The following GUCY2C variants were observed in gnomAD, a reference collection of about 807,000 sequenced individuals.
GUCY2C encodes guanylyl cyclase C.
Under a neutral mutation model 131.1 loss-of-function variants are expected in GUCY2C, and 118 were observed. The observed-to-expected ratio is 0.90, with a 90% CI of 0.78 to 1.05. GUCY2C has a LOEUF of 1.05. Among genes scored for constraint, GUCY2C ranks in the 50% least tolerant of loss-of-function variants. The pLI, the probability that GUCY2C is intolerant of heterozygous loss-of-function variation, is 0.00. For missense variants in GUCY2C, 1,161 were observed against 1,304.4 expected (o/e 0.89, Z 1.69); for synonymous variants, 452 against 457.8 (o/e 0.99, Z 0.16).
intron 18 of GUCY2C, 142 bp downstream of exon 18, chr12:14,640,940 A>G (rs572297072): frequency 7.1e-6 from 5 of 702,862 alleles, no homozygotes; most frequent in Non-Finnish European, 1.2e-5. Context: ...TATTCTTATA[A>G]AATGCATAAT....
chr12:14,673,062 C>G, intron 8 of GUCY2C, 104 bp from the exon 9 acceptor site: 1 of 690,072 alleles, frequency 1.4e-6, no homozygotes. Context: ...AGCTCTGTTT[C>G]AAATTTACTG....
Position 14,622,018 on chromosome 12 carries a change from T to A in GUCY2C, c.2588A>T (p.His863Leu). 1 of 1,602,768 alleles carries A rather than the reference T, an allele frequency of 6.2e-7. No homozygotes were observed. Among genetic ancestry groups the A allele is most frequent in the Non-Finnish European group, 8.5e-7 (1 of 1,175,312 alleles). ...YKSFDHIVDH[H>L]DVYKVETIGD... ...TGATGTGGTTACCTTGTAGACATCATGATGATCAACAATGTGGTCAAAACT... is the reference window on the plus strand; with the variant it reads ...TGATGTGGTTACCTTGTAGACATCAAGATGATCAACAATGTGGTCAAAACT... Residue 863 changes from histidine to leucine, a missense_variant, in exon 22 of 27, where the codon CAT (histidine) becomes CTT (leucine). Coordinates refer to ENST00000261170, the MANE Select transcript of GUCY2C (RefSeq NM_004963.4).
chr12:14,662,481 C>T lies in GUCY2C; in HGVS notation c.1283-1419G>A, dbSNP rs530373014. On this transcript the variant is annotated intron_variant, in intron 10 of 26. Transcript: ENST00000261170. ...CCTGAGGTCAGGAGATCAAGACCAGCCTAGCCAACATGGCAAAACCCCATC... is the reference window on the plus strand; with the variant it reads ...CCTGAGGTCAGGAGATCAAGACCAGTCTAGCCAACATGGCAAAACCCCATC... 4.6e-5 allele frequency among the ~76,000 whole-genome samples: 7 copies of T among 152,022 alleles called. No individual in the cohort carries two copies. In the South Asian group the frequency reaches 1.5e-3, roughly 32 times the overall value.
At position 14,621,022 on chromosome 12, in the gene GUCY2C, T is replaced by C. The variant is rs751912369; in HGVS notation, c.2776+20A>G. On this transcript the variant is annotated intron_variant, in intron 23 of 26. Transcript: ENST00000261170. ...GCAGTACATATGGTTCCCAATTTGC[T>C]AAGATGCTCAACTCCATACCAGAGT... The C allele has an allele frequency of 5.6e-6, 9 of 1,606,996 alleles. No homozygotes were observed. Among genetic ancestry groups the C allele is most frequent in the Non-Finnish European group, 7.7e-6 (9 of 1,174,292 alleles).
intron 1 of GUCY2C, among the ~76,000 whole-genome samples, chr12:14,693,513 C>T (rs529551012): frequency 1.8e-4 from 27 of 152,276 alleles, no homozygotes; most frequent in Non-Finnish European, 2.8e-4. Flanking sequence ...TCACATATAA[C>T]GCTTGAACTT....
rs1042462171 is a variant in GUCY2C at position 14,646,223 on chromosome 12, C to T, written c.1711-908G>A. Among the ~76,000 whole-genome samples the T allele has an allele frequency of 4.6e-5, 7 of 152,196 alleles. No homozygotes were observed. The East Asian group carries it at 1.3e-3, about 29-fold the overall frequency. On this transcript the variant is annotated intron_variant, in intron 15 of 26. Coordinates refer to ENST00000261170, the MANE Select transcript of GUCY2C (RefSeq NM_004963.4). ...TTAATTAAGCTAATACATAACTGTT[C>T]TTCACGGTAGAACTCTAAACAGGAC... is the stretch of plus-strand genomic sequence containing the variant.
At chr12:14,625,327 ATTTT>A (rs10574172) in intron 21 of GUCY2C, among the ~76,000 whole-genome samples, 17 of 129,956 alleles carry the variant, frequency 1.3e-4, no homozygotes, top group East Asian at 2.3e-4. Flanking sequence ...AAGTACATGC[ATTTT>A]TTTTTTTTTT....
chr12:14,645,005 A>G (rs1381557073), intron 16 of GUCY2C, among the ~76,000 whole-genome samples: 11 of 152,112 alleles, frequency 7.2e-5, no homozygotes, highest in Admixed American at 7.2e-4. Flanking sequence ...ATAAAATAAT[A>G]ATAACTGATA....
chr12:14,647,905 G>A (rs1947556509), intron 15 of GUCY2C, among the ~76,000 whole-genome samples: 2 of 150,914 alleles, frequency 1.3e-5, no homozygotes, highest in African/African-American at 4.9e-5. Context: ...TAGTATTTGA[G>A]GCTTTTGCAT....
intron 17 of GUCY2C, among the ~76,000 whole-genome samples, chr12:14,643,040 G>A (rs1288512196): frequency 2.0e-5 from 3 of 152,126 alleles, no homozygotes; most frequent in African/African-American, 4.8e-5. Flanking sequence ...TTACAAATCC[G>A]TTTTCTTTAT....
chr12:14,615,219 A>C (rs1347913709), intron 25 of GUCY2C, among the ~76,000 whole-genome samples: 1 of 152,274 alleles, frequency 6.6e-6, no homozygotes, highest in South Asian at 2.1e-4. Flanking sequence ...ACATTTTAAA[A>C]TATCACTCTA....
chr12:14,644,713 C>T (rs1393140583), intron 16 of GUCY2C, among the ~76,000 whole-genome samples: 4 of 142,074 alleles, frequency 2.8e-5, no homozygotes, highest in Non-Finnish European at 4.6e-5. Flanking sequence ...TTAAGATTTT[C>T]TCTTGTAAAG....
At position 14,647,428 on chromosome 12, in the gene GUCY2C, T is replaced by A. The variant is rs558267592; in HGVS notation, c.1711-2113A>T. Among the ~76,000 whole-genome samples, 13 of 152,312 alleles carry A rather than the reference T, an allele frequency of 8.5e-5. No homozygotes were observed. In the South Asian group the frequency reaches 2.5e-3, roughly 29 times the overall value. Reference sequence around the variant, plus strand: ...TTCAGAAGAATTTATACATTTTCAATGTGAATTTGTCGGTATAGGGTGTCG... The same window carrying A: ...TTCAGAAGAATTTATACATTTTCAAAGTGAATTTGTCGGTATAGGGTGTCG... On this transcript the variant is annotated intron_variant, in intron 15 of 26. Coordinates refer to ENST00000261170, the MANE Select transcript of GUCY2C (RefSeq NM_004963.4).
At chr12:14,686,030 A>G (rs1243776212) in intron 3 of GUCY2C, 131 bp downstream of exon 3, 2 of 613,216 alleles carry the variant, frequency 3.3e-6, no homozygotes, top group Non-Finnish European at 2.9e-6. Context: ...AGAGAATGAC[A>G]GTTATGGGGA....
intron 15 of GUCY2C, among the ~76,000 whole-genome samples, chr12:14,650,918 C>CT (rs965762449): frequency 1.3e-5 from 2 of 151,976 alleles, no homozygotes; most frequent in African/African-American, 4.8e-5. Context: ...AATATTCTTG[C>CT]TTTTTTTCTT....
chr12:14,641,667 A>T (rs974209729), intron 17 of GUCY2C, among the ~76,000 whole-genome samples: 5 of 152,180 alleles, frequency 3.3e-5, no homozygotes, highest in African/African-American at 1.2e-4. Context: ...GGCCAGGCGT[A>T]GTGGCTTACG....
chr12:14,696,515 G>C lies in GUCY2C; in HGVS notation c.-67C>G. On this transcript the variant is annotated 5_prime_UTR_variant, in exon 1 of 27. Transcript: ENST00000261170. The stretch of plus-strand genomic sequence containing the variant: ...CTTTGCTCTGTTGGGCTCCTAGGGA[G>C]GCAGGGAATCCAGATGGACAGCCTC... 7.2e-6 allele frequency: 9 copies of C among 1,246,514 alleles called. 1 individual carries two copies. In the South Asian group the frequency reaches 1.1e-4, roughly 15 times the overall value. 77.2% of individuals were successfully genotyped at this position (1,246,514 alleles called of 1,614,324 possible).
chr12:14,661,473 C>G (rs751180012), intron 10 of GUCY2C, among the ~76,000 whole-genome samples: 2 of 151,970 alleles, frequency 1.3e-5, no homozygotes, highest in African/African-American at 2.4e-5. Context: ...GAGTTTCACT[C>G]TGTCATCCAG....
chr12:14,640,080 T>C, intron 18 of GUCY2C, 130 bp from the exon 19 acceptor site: 1 of 663,242 alleles, frequency 1.5e-6, no homozygotes, highest in South Asian at 1.7e-5. Context: ...CTGCAGAGCC[T>C]AGACCAGCAC....
Sources: gnomAD v4.1 joint callset for allele counts (sites outside exome capture counted in the v4.1 genomes callset) on GRCh38, gnomAD v4.1.1 for gene constraint, MANE v1.5 for transcripts, NCBI Gene and HGNC (gene_info 2026-07-23, HGNC 2026-07-21) for gene names.